Variants in DLG2 observed in about 807,000 individuals in gnomAD.
DLG2 encodes disks large homolog 2.
DLG2 carries 45 observed loss-of-function variants against 132.5 expected under a neutral mutation model. That is an observed-to-expected ratio of 0.34 (90% confidence interval 0.27 to 0.44). DLG2 has a LOEUF of 0.44. Among genes scored for constraint, DLG2 ranks in the 20% least tolerant of loss-of-function variants. The probability of loss-of-function intolerance (pLI) is 1.00; values close to 1 mark genes in which losing one functional copy is unlikely to be tolerated. For missense variants in DLG2, 1,045 were observed against 1,196.9 expected, an observed-to-expected ratio of 0.87 and a Z score of 1.87; for synonymous variants, 424 against 419.6, an observed-to-expected ratio of 1.01 and a Z score of -0.13.
At chr11:83,915,037 A>G (rs2076697849) in intron 15 of DLG2, among the ~76,000 whole-genome samples, 1 of 152,158 alleles carries the variant, frequency 6.6e-6, no homozygotes, top group African/African-American at 2.4e-5. Context: ...CAGAGAAGAA[A>G]AAGTCTGAGA....
At chr11:84,634,717 G>A (rs1172117607) in intron 6 of DLG2, among the ~76,000 whole-genome samples, 1 of 152,108 alleles carries the variant, frequency 6.6e-6, no homozygotes, top group Non-Finnish European at 1.5e-5. Flanking sequence ...TTATCCTTCT[G>A]ACTAAATGAA....
At chr11:83,739,286 G>C (rs893525440) in intron 18 of DLG2, among the ~76,000 whole-genome samples, 2 of 152,114 alleles carry the variant, frequency 1.3e-5, no homozygotes, top group African/African-American at 4.8e-5. Context: ...TGGTGTCAAA[G>C]TACTTAAAAA....
intron 10 of DLG2, among the ~76,000 whole-genome samples, chr11:84,090,980 A>T (rs2097082724): frequency 6.6e-6 from 1 of 152,220 alleles, no homozygotes; most frequent in Non-Finnish European, 1.5e-5. Context: ...AACAAAAATT[A>T]AATATCATAT....
chr11:85,105,106 A>T (rs1484334538), intron 6 of DLG2, among the ~76,000 whole-genome samples: 1 of 151,914 alleles, frequency 6.6e-6, no homozygotes, highest in Non-Finnish European at 1.5e-5. Flanking sequence ...CAGCAACCTT[A>T]GGGCTTGCAT....
At chr11:84,154,648 C>G (rs1293486660) in intron 9 of DLG2, among the ~76,000 whole-genome samples, 1 of 152,140 alleles carries the variant, frequency 6.6e-6, no homozygotes, top group Non-Finnish European at 1.5e-5. Flanking sequence ...TCCCTCCCCC[C>G]TTCCCCCACC....
intron 6 of DLG2, among the ~76,000 whole-genome samples, chr11:84,714,920 T>A (rs1026796803): frequency 6.6e-6 from 1 of 152,080 alleles, no homozygotes; most frequent in Non-Finnish European, 1.5e-5. Context: ...CTCCCTTTTT[T>A]ATTTTTCCAT....
intron 4 of DLG2, among the ~76,000 whole-genome samples, chr11:85,203,555 C>A (rs919001933): frequency 1.3e-5 from 2 of 151,934 alleles, no homozygotes; most frequent in African/African-American, 2.4e-5. Context: ...AATAAAAAGT[C>A]TCCTATCAAA....
intron 6 of DLG2, among the ~76,000 whole-genome samples, chr11:84,744,883 T>G (rs2065148163): frequency 8.1e-6 from 1 of 123,306 alleles, no homozygotes; most frequent in Non-Finnish European, 1.7e-5. Flanking sequence ...GATCCTGAAA[T>G]TAAAAGTAAA....
intron 6 of DLG2, among the ~76,000 whole-genome samples, chr11:84,548,926 C>T (rs1237357688): frequency 1.3e-5 from 2 of 152,134 alleles, no homozygotes; most frequent in Middle Eastern, 3.2e-3. Context: ...ATGACTATTA[C>T]TTTCATTTTT....
intron 3 of DLG2, among the ~76,000 whole-genome samples, chr11:85,561,453 T>C (rs2077242326): frequency 6.7e-6 from 1 of 149,264 alleles, no homozygotes; most frequent in Non-Finnish European, 1.5e-5. Flanking sequence ...TTCCTACCAG[T>C]ATTACAAAAG....
At chr11:84,799,085 A>G (rs1194721398) in intron 6 of DLG2, among the ~76,000 whole-genome samples, 1 of 152,188 alleles carries the variant, frequency 6.6e-6, no homozygotes, top group Non-Finnish European at 1.5e-5. Context: ...ACTAGGTCAC[A>G]CATTGCCCCA....
chr11:84,049,996 T>A (rs2096329023), intron 11 of DLG2, among the ~76,000 whole-genome samples: 2 of 151,616 alleles, frequency 1.3e-5, no homozygotes, highest in Non-Finnish European at 3.0e-5. Flanking sequence ...ATGGCATATG[T>A]TTAAGAAATG....
At chr11:84,439,578 A>T (rs1344783148) in intron 7 of DLG2, among the ~76,000 whole-genome samples, 1 of 152,168 alleles carries the variant, frequency 6.6e-6, no homozygotes, top group East Asian at 1.9e-4. Flanking sequence ...ATTTATCCAT[A>T]TTATACCCTG....
intron 6 of DLG2, among the ~76,000 whole-genome samples, chr11:84,541,646 T>C (rs2099371423): frequency 6.6e-6 from 1 of 152,154 alleles, no homozygotes; most frequent in African/African-American, 2.4e-5. Context: ...TCTCTGAATC[T>C]CCAATGCCCA....
rs34643624 is a variant in DLG2, at chr11:85,430,848, C to CAAA, written c.41-145486_41-145484dup. 1.5e-3 allele frequency among the ~76,000 whole-genome samples: 190 copies of CAAA among 131,032 alleles called. 1 individual carries two copies. Among genetic ancestry groups the CAAA allele is most frequent in the Admixed American group, 3.4e-3 (42 of 12,462 alleles). The allele number at this position is 131,032 out of a possible 152,430, so 86.0% of individuals were successfully genotyped here. On this transcript the variant is annotated intron_variant, in intron 3 of 27. Coordinates refer to ENST00000376104, the MANE Select transcript of DLG2 (RefSeq NM_001142699.3). ...TTTTCTAATGGAAAAGCTAGCCAGT[C>CAAA]AAAAAAAAAAAAAAAAATACAGCTG...
chr11:83,735,880 A>G (rs192975350), intron 18 of DLG2, among the ~76,000 whole-genome samples: 140 of 152,336 alleles, frequency 9.2e-4, no homozygotes, highest in Non-Finnish European at 1.3e-3. Context: ...AATCAAAATT[A>G]GCAATGGGAC....
intron 8 of DLG2, among the ~76,000 whole-genome samples, chr11:84,220,959 T>TG (rs1164835157): frequency 1.3e-5 from 2 of 150,744 alleles, no homozygotes; most frequent in African/African-American, 4.9e-5. Flanking sequence ...AGCTGATGTT[T>TG]TTTTTTTTTT....
chr11:84,444,800 A>G (rs1333159839), intron 7 of DLG2, among the ~76,000 whole-genome samples: 1 of 140,034 alleles, frequency 7.1e-6, no homozygotes, highest in African/African-American at 3.0e-5. Context: ...ATTATTGTAT[A>G]CTTTTTTTTT....
chr11:85,319,875 A>G (rs1054890409), intron 3 of DLG2, among the ~76,000 whole-genome samples: 8 of 151,868 alleles, frequency 5.3e-5, no homozygotes, highest in Non-Finnish European at 1.0e-4. Flanking sequence ...TTTTATTTCT[A>G]AGTAGTTGAG....
Sources: gnomAD v4.1 joint callset for allele counts (sites outside exome capture counted in the v4.1 genomes callset) on GRCh38, gnomAD v4.1.1 for gene constraint, MANE v1.5 for transcripts, NCBI Gene and HGNC (gene_info 2026-07-23, HGNC 2026-07-21) for gene names.